The following EYS variants were observed in gnomAD, a reference collection of about 807,000 sequenced individuals.
The protein encoded by EYS is protein eyes shut homolog.
Under a neutral mutation model 282.1 loss-of-function variants are expected in EYS, and 250 were observed. The ratio of observed to expected loss-of-function variants is 0.89; its 90% CI spans 0.80 to 0.98. The LOEUF is 0.98. EYS is among the 50% of genes least tolerant of loss of function. The pLI, the probability that EYS is intolerant of heterozygous loss-of-function variation, is 0.00. For synonymous variants in EYS, 1,355 were observed against 1,282.9 expected (o/e 1.06, Z -1.20); for missense variants, 4,016 against 3,709.0 (o/e 1.08, Z -2.15).
intron 22 of EYS, among the ~76,000 whole-genome samples, chr6:64,727,301 C>G (rs1422295586): frequency 6.6e-6 from 1 of 152,070 alleles, no homozygotes; most frequent in African/African-American, 2.4e-5. Context: ...TTCAGAGATA[C>G]AATTTCCTTC....
At chr6:65,489,639 G>T (rs1765953727) in intron 5 of EYS, 1 of 151,966 alleles carries the variant, frequency 6.6e-6, no homozygotes. Context: ...TATACCCAAA[G>T]GATTATAATC....
intron 5 of EYS, among the ~76,000 whole-genome samples, chr6:65,458,796 A>T (rs548201209): frequency 3.3e-5 from 5 of 152,108 alleles, no homozygotes; most frequent in Non-Finnish European, 7.4e-5. Flanking sequence ...GTAGACAAAG[A>T]CATTTTTTGT....
At chr6:63,931,410 A>G (rs1006097077) in intron 35 of EYS, among the ~76,000 whole-genome samples, 2 of 152,178 alleles carry the variant, frequency 1.3e-5, no homozygotes, top group East Asian at 3.9e-4. Context: ...TGACTCTTCT[A>G]TTTTGAATAA....
chr6:64,005,240 C>G (rs1768287512), intron 33 of EYS, among the ~76,000 whole-genome samples: 1 of 152,104 alleles, frequency 6.6e-6, no homozygotes, highest in Non-Finnish European at 1.5e-5. Flanking sequence ...GTTTTATATG[C>G]TTTCGGCCAC....
At chr6:65,069,784 G>A (rs1348225455) in intron 12 of EYS, among the ~76,000 whole-genome samples, 1 of 151,666 alleles carries the variant, frequency 6.6e-6, no homozygotes, top group Non-Finnish European at 1.5e-5. Flanking sequence ...TTTCTTCTGT[G>A]CTTCAAAATC....
At chr6:64,877,799 A>G (rs1766795220) in intron 19 of EYS, among the ~76,000 whole-genome samples, 1 of 152,228 alleles carries the variant, frequency 6.6e-6, no homozygotes, top group Non-Finnish European at 1.5e-5. Flanking sequence ...GTAGTAGTTT[A>G]ACACTTTTTA....
At chr6:65,617,045 T>C (rs9453345) in intron 2 of EYS, among the ~76,000 whole-genome samples, 1 of 152,208 alleles carries the variant, frequency 6.6e-6, no homozygotes, top group East Asian at 1.9e-4. Context: ...CATTAGGACA[T>C]GGATTTTTAT....
At chr6:64,620,464 G>A (rs1767410804) in intron 23 of EYS, among the ~76,000 whole-genome samples, 2 of 152,104 alleles carry the variant, frequency 1.3e-5, no homozygotes, top group Non-Finnish European at 2.9e-5. Flanking sequence ...TCTTACTGGT[G>A]GAACTCAATT....
chr6:65,346,385 A>G (rs886382238), intron 9 of EYS, among the ~76,000 whole-genome samples: 1 of 151,056 alleles, frequency 6.6e-6, no homozygotes. Context: ...GAGAGAGAAG[A>G]AAAGTCATTT....
chr6:63,757,651 A>G (rs143231603), intron 41 of EYS, among the ~76,000 whole-genome samples: 1,834 of 152,160 alleles, frequency 0.012, 30 homozygotes, highest in African/African-American at 0.042. Flanking sequence ...TGTCACCCCC[A>G]GTGGCCCAGC....
intron 35 of EYS, among the ~76,000 whole-genome samples, chr6:63,942,078 C>G (rs1051154551): frequency 3.9e-5 from 6 of 152,114 alleles, no homozygotes; most frequent in Non-Finnish European, 7.4e-5. Context: ...AACATGATGT[C>G]TCTAATTCAG....
intron 19 of EYS, among the ~76,000 whole-genome samples, chr6:64,885,101 G>C (rs1485202739): frequency 6.6e-6 from 1 of 151,600 alleles, no homozygotes; most frequent in African/African-American, 2.4e-5. Flanking sequence ...GTACTGTCAA[G>C]TCACTGGACC....
At chr6:65,081,246 C>T (rs571508057) in intron 12 of EYS, among the ~76,000 whole-genome samples, 1 of 152,134 alleles carries the variant, frequency 6.6e-6, no homozygotes, top group African/African-American at 2.4e-5. Context: ...CCCCTTTTAA[C>T]ATTCCTTCTA....
At chr6:65,142,013 A>G (rs1764357883) in intron 12 of EYS, among the ~76,000 whole-genome samples, 1 of 152,046 alleles carries the variant, frequency 6.6e-6, no homozygotes, top group Non-Finnish European at 1.5e-5. Flanking sequence ...CAGAGCAAAC[A>G]TGTGTAACTC....
intron 12 of EYS, among the ~76,000 whole-genome samples, chr6:65,229,352 T>C (rs758219911): frequency 2.0e-5 from 3 of 151,930 alleles, no homozygotes; most frequent in Admixed American, 2.0e-4. Context: ...AAGAGATTTA[T>C]AGGGAGACAG....
At chr6:63,870,427 C>T (rs1354449740) in intron 35 of EYS, among the ~76,000 whole-genome samples, 1 of 152,074 alleles carries the variant, frequency 6.6e-6, no homozygotes, top group Admixed American at 6.6e-5. Flanking sequence ...AAAATTTATT[C>T]CTTAAAAATG....
At chr6:64,902,756 G>A (rs1340871649) in intron 16 of EYS, among the ~76,000 whole-genome samples, 1 of 152,138 alleles carries the variant, frequency 6.6e-6, no homozygotes, top group Non-Finnish European at 1.5e-5. Context: ...AGGTAGAGAT[G>A]TTGCTAATGT....
intron 1 of EYS, among the ~76,000 whole-genome samples, chr6:65,698,849 T>TG (rs1426772857): frequency 2.0e-5 from 3 of 152,208 alleles, no homozygotes; most frequent in Admixed American, 1.3e-4. Context: ...CCATTAAACA[T>TG]GGATTGTTTC....
intron 24 of EYS, among the ~76,000 whole-genome samples, chr6:64,599,070 A>G (rs1384069778): frequency 6.6e-6 from 1 of 152,236 alleles, no homozygotes; most frequent in Non-Finnish European, 1.5e-5. Flanking sequence ...AAATGAGGTC[A>G]CAGAGGTGAT....
Sources: allele counts gnomAD v4.1 joint callset (sites outside exome capture counted in the v4.1 genomes callset), GRCh38; gene constraint gnomAD v4.1.1; transcripts MANE v1.5; gene names NCBI Gene and HGNC (gene_info 2026-07-23, HGNC 2026-07-21).